The following GSG1L variants were observed in gnomAD, a reference collection of about 807,000 sequenced individuals.
The protein encoded by GSG1L is germ cell-specific gene 1-like protein.
Under a neutral mutation model 42.1 loss-of-function variants are expected in GSG1L, and 24 were observed. That is an observed-to-expected ratio of 0.57 (90% CI 0.41 to 0.80). The LOEUF (loss-of-function observed/expected upper bound fraction) is 0.80. GSG1L is among the 30% of genes least tolerant of loss of function. The probability of loss-of-function intolerance (pLI) is 0.00; values close to 1 mark genes in which losing one functional copy is unlikely to be tolerated. For missense variants in GSG1L, 445 were observed against 472.2 expected (o/e 0.94, Z 0.53); for synonymous variants, 215 against 203.5 (o/e 1.06, Z -0.48).
intron 4 of GSG1L, among the ~76,000 whole-genome samples, chr16:27,831,936 C>A (rs576337536): frequency 1.3e-5 from 2 of 152,258 alleles, no homozygotes; most frequent in African/African-American, 4.8e-5. Context: ...TCCCTGGACT[C>A]GCTGCTTTCC....
intron 3 of GSG1L, among the ~76,000 whole-genome samples, chr16:27,869,531 CCTCT>C (rs1036614303): frequency 3.5e-5 from 5 of 141,898 alleles, no homozygotes; most frequent in Non-Finnish European, 6.2e-5. Context: ...ATCTCTCTCT[CCTCT>C]CTCTCTGTCT....
intron 1 of GSG1L, among the ~76,000 whole-genome samples, chr16:28,006,797 C>T (rs371870311): frequency 9.8e-5 from 15 of 152,298 alleles, no homozygotes; most frequent in East Asian, 7.7e-4. Flanking sequence ...CCAAGCCCTC[C>T]GGTGGGAGAC....
intron 5 of GSG1L, among the ~76,000 whole-genome samples, chr16:27,811,672 G>A (rs59429145): frequency 0.27 from 40,713 of 152,026 alleles, 5,653 homozygotes; most frequent in East Asian, 0.41. Context: ...TTGTTGAGAC[G>A]GAGTCTCGCT....
chr16:27,938,240 T>C (rs904854500), intron 2 of GSG1L, among the ~76,000 whole-genome samples: 1 of 151,726 alleles, frequency 6.6e-6, no homozygotes, highest in Non-Finnish European at 1.5e-5. Flanking sequence ...TTGTTTGGTT[T>C]ATTATTAGGT....
intron 4 of GSG1L, among the ~76,000 whole-genome samples, chr16:27,839,948 G>A (rs1016445993): frequency 6.6e-6 from 1 of 152,166 alleles, no homozygotes; most frequent in African/African-American, 2.4e-5. Flanking sequence ...CCTCTCCTGG[G>A]GATCAGTGAC....
chr16:28,043,217 C>A (rs2086126920), intron 1 of GSG1L, among the ~76,000 whole-genome samples: 1 of 152,182 alleles, frequency 6.6e-6, no homozygotes, highest in Non-Finnish European at 1.5e-5. Flanking sequence ...GCCTCCTTTG[C>A]CATCCTTTAG....
chr16:27,870,212 T>G (rs1277372571), intron 3 of GSG1L, among the ~76,000 whole-genome samples: 1 of 147,492 alleles, frequency 6.8e-6, no homozygotes, highest in African/African-American at 2.6e-5. Flanking sequence ...TCCTTCTGTT[T>G]CTCTTTCCAT....
At chr16:28,000,697 C>T (rs561309731) in intron 1 of GSG1L, among the ~76,000 whole-genome samples, 39 of 152,274 alleles carry the variant, frequency 2.6e-4, no homozygotes, top group African/African-American at 7.7e-4. Flanking sequence ...CAGACACTCT[C>T]AGAGTGTCAT....
intron 2 of GSG1L, among the ~76,000 whole-genome samples, chr16:27,933,509 A>G (rs1312080309): frequency 2.0e-5 from 3 of 151,982 alleles, no homozygotes; most frequent in Non-Finnish European, 2.9e-5. Flanking sequence ...GTTAGCCAGG[A>G]GCAGTGGCTC....
At chr16:28,022,160 C>T (rs1035346998) in intron 1 of GSG1L, among the ~76,000 whole-genome samples, 2 of 152,078 alleles carry the variant, frequency 1.3e-5, no homozygotes, top group African/African-American at 4.8e-5. Context: ...ATAGTGGATA[C>T]GACTCAGGGT....
rs529644732 is a variant in GSG1L, at chr16:27,870,469, C to T, written c.550+14017G>A. Among the ~76,000 whole-genome samples the T allele has an allele frequency of 7.3e-5, 11 of 151,436 alleles. No homozygotes were observed. The South Asian group carries it at 1.7e-3, about 23-fold the overall frequency. On this transcript the variant is annotated intron_variant, in intron 3 of 6. Coordinates refer to ENST00000447459, the MANE Select transcript of GSG1L (RefSeq NM_001109763.2). The stretch of plus-strand genomic sequence containing the variant: ...TCTCTCTCTGTGTTCTTTTCTCTCT[C>T]TCCTTAAGTGTGTGTCTCCCTCTGT...
intron 2 of GSG1L, among the ~76,000 whole-genome samples, chr16:27,905,320 T>C (rs1479427487): frequency 2.5e-5 from 1 of 39,970 alleles, no homozygotes; most frequent in African/African-American, 6.3e-5. Flanking sequence ...TGCCAGAATC[T>C]TTTTTTTTTT....
At chr16:27,930,834 C>T (rs2084648733) in intron 2 of GSG1L, among the ~76,000 whole-genome samples, 1 of 152,106 alleles carries the variant, frequency 6.6e-6, no homozygotes, top group Non-Finnish European at 1.5e-5. Context: ...AAGCAATCCT[C>T]CCACCTCAGC....
chr16:27,878,454 A>T (rs546774559), intron 3 of GSG1L, among the ~76,000 whole-genome samples: 5 of 152,236 alleles, frequency 3.3e-5, no homozygotes, highest in African/African-American at 1.2e-4. Flanking sequence ...AGCGTGGGGG[A>T]AACTTCCCCC....
At chr16:27,808,450 G>A (rs555294087) in intron 5 of GSG1L, among the ~76,000 whole-genome samples, 28 of 144,590 alleles carry the variant, frequency 1.9e-4, no homozygotes, top group Non-Finnish European at 3.6e-4. Flanking sequence ...ATGGAGTCTC[G>A]CTCTGTTGCC....
intron 5 of GSG1L, among the ~76,000 whole-genome samples, chr16:27,817,257 C>A (rs920210165): frequency 2.7e-4 from 41 of 152,154 alleles, no homozygotes; most frequent in African/African-American, 9.2e-4. Context: ...GTGTCAGGTG[C>A]CCTGGGGCCT....
chr16:27,849,805 C>T (rs180764242), intron 3 of GSG1L, among the ~76,000 whole-genome samples: 22 of 151,896 alleles, frequency 1.4e-4, no homozygotes, highest in Middle Eastern at 3.2e-3. Context: ...GGATTACAGG[C>T]GTGAGCCACT....
At position 28,058,060 on chromosome 16, in the gene GSG1L, G is replaced by A. The variant is rs192230970; in HGVS notation, c.349+5016C>T. On this transcript the variant is annotated intron_variant, in intron 1 of 6. Coordinates refer to ENST00000447459, the MANE Select transcript of GSG1L (RefSeq NM_001109763.2). ...AAGCCTGGAGCCAAACCCGGGGCTC[G>A]TGACTCCAGATGCAGTGCTCCGCCC... is the stretch of plus-strand genomic sequence containing the variant. Among the ~76,000 whole-genome samples, 370 of 152,346 alleles carry A rather than the reference G, an allele frequency of 2.4e-3. 3 individuals carry two copies. The highest frequency in any genetic ancestry group is 3.0e-3 in the Non-Finnish European group (203 of 68,036).
rs375899784 is a variant in GSG1L at position 27,978,009 on chromosome 16, C to T, written c.350-14806G>A. The stretch of plus-strand genomic sequence containing the variant: ...CGCTAGCCCCTCTGAGTTACTGTCT[C>T]CAGGGGCTCTGGCTGAGCGAGGATG... On this transcript the variant is annotated intron_variant, in intron 1 of 6. Coordinates refer to ENST00000447459, the MANE Select transcript of GSG1L (RefSeq NM_001109763.2). Among the ~76,000 whole-genome samples the T allele has an allele frequency of 1.2e-4, 18 of 152,332 alleles. No homozygotes were observed. The East Asian group carries it at 1.7e-3, about 15-fold the overall frequency.
Sources: gnomAD v4.1 joint callset for allele counts (sites outside exome capture counted in the v4.1 genomes callset) on GRCh38, gnomAD v4.1.1 for gene constraint, MANE v1.5 for transcripts, NCBI Gene and HGNC (gene_info 2026-07-23, HGNC 2026-07-21) for gene names.